UNC79: variants seen among roughly 807,000 people sequenced by gnomAD.
UNC79 encodes the protein protein unc-79 homolog.
In UNC79, 37 loss-of-function variants were observed where a neutral mutation model predicts 283.1. That is an observed-to-expected ratio of 0.13 (90% CI 0.10 to 0.17). The LOEUF (loss-of-function observed/expected upper bound fraction) is 0.17, where lower values mean the gene tolerates loss of function less well. UNC79 is among the 10% of genes least tolerant of loss of function. The probability of loss-of-function intolerance (pLI) is 1.00; values close to 1 mark genes in which losing one functional copy is unlikely to be tolerated. For missense variants in UNC79, 2,272 were observed against 3,211.1 expected (o/e 0.71, Z 7.07); for synonymous variants, 1,107 against 1,200.2 (o/e 0.92, Z 1.61).
At chr14:93,602,645 GATGGTA>G (rs1332961616) in intron 25 of UNC79, among the ~76,000 whole-genome samples, 67 of 152,204 alleles carry the variant, frequency 4.4e-4, no homozygotes, top group Non-Finnish European at 3.5e-4. Flanking sequence ...GAAGAATGAT[GATGGTA>G]CTTTGATGGG....
Position 93,351,007 on chromosome 14 carries a change from C to T in UNC79, c.-351+17484C>T, listed in dbSNP as rs373410183. ...GCTATTACTAAGAGTCATGTATTCT[C>T]CTGCTATACTCATAACCTTGAACAG... On this transcript the variant is annotated intron_variant, in intron 1 of 49. Transcript: ENST00000256339. Among the ~76,000 whole-genome samples the T allele has an allele frequency of 1.6e-4, 24 of 152,276 alleles. No homozygotes were observed. The East Asian group carries it at 2.7e-3, about 17-fold the overall frequency.
intron 46 of UNC79, among the ~76,000 whole-genome samples, chr14:93,693,713 T>C (rs1884554988): frequency 6.6e-6 from 1 of 152,088 alleles, no homozygotes; most frequent in Non-Finnish European, 1.5e-5. Flanking sequence ...GGATCAAGAT[T>C]GAGAAAGGAT....
At position 93,505,289 on chromosome 14, in the gene UNC79, A is replaced by G. The variant is rs138164709; in HGVS notation, c.898+8003A>G. ...TCTTACTATGACTGTGGATTTGTCT[A>G]TTCCTCTTTGTAGTTCTGTCAATGT... On this transcript the variant is annotated intron_variant, in intron 7 of 48. Transcript: ENST00000555664. Among the ~76,000 whole-genome samples the G allele has an allele frequency of 3.5e-3, 527 of 152,140 alleles. 9 individuals are homozygous for G. In the South Asian group the frequency reaches 0.05, roughly 14 times the overall value.
chr14:93,372,958 C>G (rs753773748), intron 1 of UNC79, among the ~76,000 whole-genome samples: 1 of 152,182 alleles, frequency 6.6e-6, no homozygotes, highest in Non-Finnish European at 1.5e-5. Flanking sequence ...AGAAATCATA[C>G]AATGTTTGCT....
intron 31 of UNC79, among the ~76,000 whole-genome samples, chr14:93,635,898 A>G (rs911665303): frequency 2.0e-5 from 3 of 152,314 alleles, no homozygotes; most frequent in African/African-American, 2.4e-5. Context: ...ACCAAAGAGG[A>G]CTGTGCTTTC....
chr14:93,558,218 C>A (rs186903583), intron 14 of UNC79, among the ~76,000 whole-genome samples: 1 of 152,128 alleles, frequency 6.6e-6, no homozygotes, highest in Admixed American at 6.5e-5. Context: ...ACAGCAGATT[C>A]GCTACAACCT....
At chr14:93,693,271 A>T (rs902492262) in intron 46 of UNC79, among the ~76,000 whole-genome samples, 51 of 152,202 alleles carry the variant, frequency 3.4e-4, no homozygotes, top group Non-Finnish European at 2.6e-4. Context: ...ACTAATGAAG[A>T]ATTTGGAGAT....
chr14:93,432,166 G>A (rs1020683218), intron 1 of UNC79, among the ~76,000 whole-genome samples: 1 of 152,114 alleles, frequency 6.6e-6, no homozygotes, highest in African/African-American at 2.4e-5. Context: ...CTCATTATTT[G>A]AGGGCAATAT....
chr14:93,360,757 G>C (rs756531823), intron 1 of UNC79, among the ~76,000 whole-genome samples: 4 of 152,186 alleles, frequency 2.6e-5, no homozygotes, highest in Non-Finnish European at 5.9e-5. Context: ...AAACACACTG[G>C]ACTTATTGGT....
Position 93,412,559 on chromosome 14 carries a change from T to C in UNC79, c.-350-55112T>C, listed in dbSNP as rs1324729672. On this transcript the variant is annotated intron_variant, in intron 1 of 49. Coordinates refer to the UNC79 transcript ENST00000256339. ...AGCAAGAGAAAATAAAGAAATAACATAAAATGGAGACCTCCAATACTGACT... is the reference window on the plus strand; with the variant it reads ...AGCAAGAGAAAATAAAGAAATAACACAAAATGGAGACCTCCAATACTGACT... 4.6e-5 allele frequency among the ~76,000 whole-genome samples: 7 copies of C among 151,968 alleles called. No individual in the cohort carries two copies. The East Asian group carries it at 1.4e-3, about 30-fold the overall frequency.
chr14:93,697,903 T>A (rs2075267928), intron 47 of UNC79, among the ~76,000 whole-genome samples: 1 of 152,228 alleles, frequency 6.6e-6, no homozygotes, highest in Non-Finnish European at 1.5e-5. Context: ...TAAGCACTGG[T>A]TTAGCTGCAT....
At chr14:93,508,135 T>C (rs1218542282) in intron 7 of UNC79, among the ~76,000 whole-genome samples, 1 of 152,076 alleles carries the variant, frequency 6.6e-6, no homozygotes, top group African/African-American at 2.4e-5. Context: ...TTTGACTACT[T>C]TGGCTATTTT....
At chr14:93,567,845 G>T (rs1418434964) in intron 14 of UNC79, among the ~76,000 whole-genome samples, 1 of 152,014 alleles carries the variant, frequency 6.6e-6, no homozygotes, top group African/African-American at 2.4e-5. Context: ...CTCGGGCACA[G>T]CTTGGTTTTA....
intron 11 of UNC79, among the ~76,000 whole-genome samples, chr14:93,535,552 CTGTT>C (rs1240465870): frequency 6.6e-6 from 1 of 152,056 alleles, no homozygotes; most frequent in East Asian, 1.9e-4. Context: ...TAGCTTGTCT[CTGTT>C]TGATGATGTT....
At chr14:93,635,488 G>A (rs913194645) in intron 31 of UNC79, among the ~76,000 whole-genome samples, 11 of 152,202 alleles carry the variant, frequency 7.2e-5, no homozygotes, top group African/African-American at 2.7e-4. Context: ...CTTTCTGGCT[G>A]CAGTGATGTG....
rs1287287778 is a variant in UNC79, at chr14:93,434,219, G to GA, written c.22+3179dup. On this transcript the variant is annotated intron_variant, in intron 1 of 48. Transcript: ENST00000555664. Reference sequence around the variant, plus strand: ...CCAGAGCAAAACTCCGTCTCAAAAAGAAAAAAAAAAAGAAAAGAAAAAAAA... The same window carrying GA: ...CCAGAGCAAAACTCCGTCTCAAAAAGAAAAAAAAAAAAGAAAAGAAAAAAAA... Among the ~76,000 whole-genome samples, 422 of 125,532 alleles carry GA rather than the reference G, an allele frequency of 3.4e-3. 3 individuals carry two copies. Among genetic ancestry groups the GA allele is most frequent in the African/African-American group, 0.01 (354 of 34,112 alleles). The allele number at this position is 125,532 out of a possible 152,430, so 82.4% of individuals were successfully genotyped here.
intron 11 of UNC79, among the ~76,000 whole-genome samples, chr14:93,533,318 C>T (rs2060915277): frequency 6.6e-6 from 1 of 152,122 alleles, no homozygotes; most frequent in East Asian, 1.9e-4. Flanking sequence ...TCTATGGATG[C>T]ATAACAAACC....
intron 20 of UNC79, among the ~76,000 whole-genome samples, chr14:93,582,684 C>G (rs540471463): frequency 4.1e-4 from 63 of 152,284 alleles, no homozygotes; most frequent in Admixed American, 1.1e-3. Flanking sequence ...CAGAGTGTTT[C>G]TGAATAGAAG....
At chr14:93,591,039 G>A (rs529079025) in intron 22 of UNC79, among the ~76,000 whole-genome samples, 1 of 152,324 alleles carries the variant, frequency 6.6e-6, no homozygotes, top group East Asian at 1.9e-4. Flanking sequence ...CAAAGGTTTA[G>A]AGAATTTGCA....
Sources: gnomAD v4.1 joint callset for allele counts (sites outside exome capture counted in the v4.1 genomes callset) on GRCh38, gnomAD v4.1.1 for gene constraint, MANE v1.5 for transcripts, NCBI Gene and HGNC (gene_info 2026-07-23, HGNC 2026-07-21) for gene names.